The following KIRREL3 variants were observed in gnomAD, a reference collection of about 807,000 sequenced individuals.
The protein encoded by KIRREL3 is kirre like nephrin family adhesion molecule 3, also known as kin of IRRE-like protein 3.
A neutral mutation model predicts 89.7 loss-of-function variants in KIRREL3; 36 were observed. The observed-to-expected ratio is 0.40, with a 90% CI of 0.31 to 0.53. The LOEUF (loss-of-function observed/expected upper bound fraction) is 0.53, where lower values mean the gene tolerates loss of function less well. Among genes scored for constraint, KIRREL3 ranks in the 20% least tolerant of loss-of-function variants. KIRREL3 has a pLI of 0.49. For missense variants in KIRREL3, 864 were observed against 1,056.6 expected, an observed-to-expected ratio of 0.82 and a Z score of 2.53; for synonymous variants, 445 against 441.4, an observed-to-expected ratio of 1.01 and a Z score of -0.10.
Position 126,451,367 on chromosome 11 carries a change from T to C in KIRREL3, c.849-2210A>G, listed in dbSNP as rs1315016635. ...ATGTGTGTGCGTATGTGAGTGTGAC[T>C]ATGTGTGAGCGTGTGCATGTGTGAA... On this transcript the variant is annotated intron_variant, in intron 7 of 16. Coordinates refer to ENST00000525144, the MANE Select transcript of KIRREL3 (RefSeq NM_032531.4). 1.2e-4 allele frequency among the ~76,000 whole-genome samples: 8 copies of C among 67,076 alleles called. 1 individual carries two copies. The East Asian group carries it at 2.6e-3, about 22-fold the overall frequency. The allele number at this position is 67,076 out of a possible 152,430, so 44.0% of individuals were successfully genotyped here.
chr11:126,435,783 A>ACCAC, intron 12 of KIRREL3, among the ~76,000 whole-genome samples: 1 of 152,136 alleles, frequency 6.6e-6, no homozygotes, highest in South Asian at 2.1e-4. Context: ...CCCAGCTGAG[A>ACCAC]CCACCCACTT....
chr11:126,659,341 TATC>T (rs1447581491), intron 1 of KIRREL3, among the ~76,000 whole-genome samples: 2 of 152,224 alleles, frequency 1.3e-5, no homozygotes, highest in East Asian at 3.8e-4. Flanking sequence ...ATTGAACACT[TATC>T]ATAATGCCAC....
In KIRREL3 at chr11:126,546,239, A is replaced by C. The variant is rs572572676; in HGVS notation, c.133+16596T>G. On this transcript the variant is annotated intron_variant, in intron 2 of 16. Transcript: ENST00000525144. ...CCTCCAAACAGCTGAGCTTGGATTT[A>C]GACCTCACAATTGTTCAGGGTTGAT... is the stretch of plus-strand genomic sequence containing the variant. Among the ~76,000 whole-genome samples, 6 of 152,360 alleles carry C rather than the reference A, an allele frequency of 3.9e-5. No homozygotes were observed. The South Asian group carries it at 1.2e-3, about 32-fold the overall frequency.
chr11:126,955,154 G>A lies in KIRREL3; in HGVS notation c.55+45301C>T, dbSNP rs962169335. On this transcript the variant is annotated intron_variant, in intron 1 of 16. Transcript: ENST00000525144. This position sits in a 1 kb window ranked among gnomAD's most constrained non-coding sequence, Gnocchi z 4.6. ...CACTGTGGGCTTCCTAATGCAGTAG[G>A]TTTCAAGCATGAATTAGGGGAAGGG... Among the ~76,000 whole-genome samples, 1 of 152,172 alleles carries A rather than the reference G, an allele frequency of 6.6e-6. No individual in the cohort carries two copies. The highest frequency in any genetic ancestry group is 2.4e-5 in the African/African-American group (1 of 41,448).
Position 126,905,278 on chromosome 11 carries a change from G to C in KIRREL3, c.55+95177C>G, listed in dbSNP as rs545952655. On this transcript the variant is annotated intron_variant, in intron 1 of 16. Coordinates refer to ENST00000525144, the MANE Select transcript of KIRREL3 (RefSeq NM_032531.4). The surrounding 1 kb of genome is among the most constrained non-coding windows in gnomAD (Gnocchi z 5.0). ...ATTTTTTAGTGAAGGAGATGCTTCC[G>C]GGGGGAGCTGCAAGCTGAGGGGCTG... 3.9e-5 allele frequency among the ~76,000 whole-genome samples: 6 copies of C among 152,090 alleles called. No homozygotes were observed. Among genetic ancestry groups the C allele is most frequent in the South Asian group, 2.1e-4 (1 of 4,824 alleles).
In KIRREL3 at chr11:126,908,815, T is replaced by C. The variant is rs1784342; in HGVS notation, c.55+91640A>G. On this transcript the variant is annotated intron_variant, in intron 1 of 16. Transcript: ENST00000525144. The surrounding 1 kb of genome is among the most constrained non-coding windows in gnomAD (Gnocchi z 4.2). ...GGCAAATATATGCAGTCATCCCTCGTTATTCAAGGAGGATTGGTTCCTGGA... is the reference window on the plus strand; with the variant it reads ...GGCAAATATATGCAGTCATCCCTCGCTATTCAAGGAGGATTGGTTCCTGGA... 0.64 allele frequency among the ~76,000 whole-genome samples: 97,460 copies of C among 151,926 alleles called. 32,779 individuals are homozygous for C. Among genetic ancestry groups the C allele is most frequent in the Middle Eastern group, 0.84 (244 of 292 alleles).
At chr11:126,472,733 C>A (rs1956933270) in intron 5 of KIRREL3, among the ~76,000 whole-genome samples, 1 of 61,570 alleles carries the variant, frequency 1.6e-5, no homozygotes, top group Non-Finnish European at 3.7e-5. Flanking sequence ...AGAGAGAGAG[C>A]ACAAGTCAGA....
At chr11:126,547,470 C>T (rs1296645946) in intron 2 of KIRREL3, among the ~76,000 whole-genome samples, 1 of 152,184 alleles carries the variant, frequency 6.6e-6, no homozygotes, top group East Asian at 1.9e-4. Context: ...ATCCCTCCTC[C>T]CCCGTGTGTT....
At chr11:126,728,621 G>A (rs551730557) in intron 1 of KIRREL3, among the ~76,000 whole-genome samples, 7 of 152,330 alleles carry the variant, frequency 4.6e-5, no homozygotes, top group Admixed American at 1.3e-4. Flanking sequence ...TGGGGCCAGT[G>A]TAGGGCCCAC....
rs1025439280 is a variant in KIRREL3, at chr11:126,860,007, C to T, written c.55+140448G>A. On this transcript the variant is annotated intron_variant, in intron 1 of 16. Transcript: ENST00000525144. The surrounding 1 kb of genome is among the most constrained non-coding windows in gnomAD (Gnocchi z 4.6). ...TTTCTGCTCTGATTTACCTTTAGAG[C>T]TGTATTAACTCTGACGTTCTACTAT... Among the ~76,000 whole-genome samples the T allele has an allele frequency of 6.6e-6, 1 of 152,166 alleles. No individual in the cohort carries two copies. The highest frequency in any genetic ancestry group is 2.4e-5 in the African/African-American group (1 of 41,428).
intron 2 of KIRREL3, among the ~76,000 whole-genome samples, chr11:126,560,281 G>GCA (rs200736519): frequency 6.6e-6 from 1 of 151,710 alleles, no homozygotes; most frequent in Non-Finnish European, 1.5e-5. Context: ...GGACACACAC[G>GCA]CACACACACA....
chr11:126,657,762 A>G (rs948756776), intron 1 of KIRREL3, among the ~76,000 whole-genome samples: 7 of 152,250 alleles, frequency 4.6e-5, no homozygotes, highest in Non-Finnish European at 8.8e-5. Flanking sequence ...GTGTCCATGT[A>G]GAAACCTGTG....
rs537722915 is a variant in KIRREL3 at position 126,568,463 on chromosome 11, G to A, written c.56-5551C>T. ...TTATCCTGACATTCATCCCTGCCAC[G>A]TTGACATAGAGAGCAGGGGAGGGGC... On this transcript the variant is annotated intron_variant, in intron 1 of 16. Transcript: ENST00000525144. This position sits in a 1 kb window ranked among gnomAD's most constrained non-coding sequence, Gnocchi z 4.6. Among the ~76,000 whole-genome samples, 7 of 152,302 alleles carry A rather than the reference G, an allele frequency of 4.6e-5. No homozygotes were observed. Among genetic ancestry groups the A allele is most frequent in the South Asian group, 2.1e-4 (1 of 4,818 alleles).
At chr11:126,450,835 G>A (rs376391156) in intron 7 of KIRREL3, among the ~76,000 whole-genome samples, 2 of 151,348 alleles carry the variant, frequency 1.3e-5, no homozygotes, top group Admixed American at 6.6e-5. Context: ...GTGTGTATGC[G>A]TGTATAGATG....
Position 126,610,826 on chromosome 11 carries a change from G to A in KIRREL3, c.56-47914C>T, listed in dbSNP as rs1453085483. ...CCAGATCATGCAGGTCGGGGCAGAA[G>A]CTTCTCACTCAGAGAACTGAGAATA... On this transcript the variant is annotated intron_variant, in intron 1 of 16. Coordinates refer to ENST00000525144, the MANE Select transcript of KIRREL3 (RefSeq NM_032531.4). This position sits in a 1 kb window ranked among gnomAD's most constrained non-coding sequence, Gnocchi z 4.6. 1 of 152,192 alleles carries A rather than the reference G, an allele frequency of 6.6e-6. No homozygotes were observed. Among genetic ancestry groups the A allele is most frequent in the Non-Finnish European group, 1.5e-5 (1 of 68,036 alleles). The allele number at this position is 152,192 out of a possible 1,614,324, so 9.4% of individuals were successfully genotyped here.
At position 126,814,155 on chromosome 11, in the gene KIRREL3, A is replaced by G. The variant is rs182467968; in HGVS notation, c.55+186300T>C. On this transcript the variant is annotated intron_variant, in intron 1 of 16. Coordinates refer to ENST00000525144, the MANE Select transcript of KIRREL3 (RefSeq NM_032531.4). This position sits in a 1 kb window ranked among gnomAD's most constrained non-coding sequence, Gnocchi z 4.4. Reference sequence around the variant, plus strand: ...TGTGGCCAACAAATATATGAAAAAAAGCTTAACATCACTGATCATTAGATA... The same window carrying G: ...TGTGGCCAACAAATATATGAAAAAAGGCTTAACATCACTGATCATTAGATA... Among the ~76,000 whole-genome samples, 737 of 152,346 alleles carry G rather than the reference A, an allele frequency of 4.8e-3. 13 individuals carry two copies. Among genetic ancestry groups the G allele is most frequent in the Admixed American group, 0.016 (241 of 15,306 alleles).
chr11:126,778,329 T>C lies in KIRREL3; in HGVS notation c.56-215417A>G, dbSNP rs575703458. On this transcript the variant is annotated intron_variant, in intron 1 of 16. Coordinates refer to ENST00000525144, the MANE Select transcript of KIRREL3 (RefSeq NM_032531.4). The surrounding 1 kb of genome is among the most constrained non-coding windows in gnomAD (Gnocchi z 4.5). ...CCAGGGGATTTGTCTTGAAGTTGTGTTTGCGTAGCAATCACCCATTTTTAT... is the reference window on the plus strand; with the variant it reads ...CCAGGGGATTTGTCTTGAAGTTGTGCTTGCGTAGCAATCACCCATTTTTAT... Among the ~76,000 whole-genome samples, 57 of 152,298 alleles carry C rather than the reference T, an allele frequency of 3.7e-4. No homozygotes were observed. The highest frequency in any genetic ancestry group is 1.3e-3 in the African/African-American group (55 of 41,570).
In KIRREL3 at chr11:126,500,163, C is replaced by T. The variant is rs1957809641; in HGVS notation, c.433+21152G>A. Among the ~76,000 whole-genome samples the T allele has an allele frequency of 2.0e-5, 3 of 152,166 alleles. No homozygotes were observed. In the South Asian group the frequency reaches 6.2e-4, roughly 32 times the overall value. ...TTATTATTAGATGCTGTTGGGTTGT[C>T]GGAGTACGATTAGGTGGAATTTGGC... On this transcript the variant is annotated intron_variant, in intron 4 of 16. Transcript: ENST00000525144.
intron 1 of KIRREL3, among the ~76,000 whole-genome samples, chr11:126,863,582 AGTGTGTGTTTGAGTGC>A (rs1944810305): frequency 6.4e-5 from 5 of 77,756 alleles, no homozygotes; most frequent in Non-Finnish European, 1.3e-4. Flanking sequence ...ACTGCGTGTG[AGTGTGTGTTTGAGTGC>A]GTGTGTGTTT....
Sources: gnomAD v4.1 joint callset for allele counts (sites outside exome capture counted in the v4.1 genomes callset) on GRCh38, gnomAD v4.1.1 for gene constraint, Gnocchi (gnomAD v3.1) non-coding constraint, MANE v1.5 for transcripts, NCBI Gene and HGNC (gene_info 2026-07-23, HGNC 2026-07-21) for gene names.